PTPRF: variants seen among roughly 807,000 people sequenced by gnomAD.
PTPRF encodes protein tyrosine phosphatase receptor type F.
A neutral mutation model predicts 201.8 loss-of-function variants in PTPRF; 59 were observed. That is an observed-to-expected ratio of 0.29 (90% CI 0.24 to 0.36). The LOEUF is 0.36. Among genes scored for constraint, PTPRF ranks in the 10% least tolerant of loss-of-function variants. The pLI, the probability that PTPRF is intolerant of heterozygous loss-of-function variation, is 1.00. For missense variants in PTPRF, 2,132 were observed against 2,690.5 expected (o/e 0.79, Z 4.59); for synonymous variants, 1,088 against 1,089.7 (o/e 1.00, Z 0.03).
At chr1:43,555,465 A>G (rs1320262297) in intron 5 of PTPRF, among the ~76,000 whole-genome samples, 1 of 94,086 alleles carries the variant, frequency 1.1e-5, no homozygotes. Flanking sequence ...TTTTTTTTTG[A>G]GACGGAGTCT....
chr1:43,618,875 AGTGAT>A (rs1427058697), intron 26 of PTPRF, 126 bp downstream of exon 26: 5 of 1,460,810 alleles, frequency 3.4e-6, no homozygotes, highest in Non-Finnish European at 4.7e-6. Context: ...CAGGTGTGTG[AGTGAT>A]GTGATGATCC....
chr1:43,578,376 G>A (rs998455329), intron 6 of PTPRF, among the ~76,000 whole-genome samples: 1 of 152,176 alleles, frequency 6.6e-6, no homozygotes, highest in Non-Finnish European at 1.5e-5. Flanking sequence ...AGGGCATGGC[G>A]TGCTTGTGAA....
intron 5 of PTPRF, among the ~76,000 whole-genome samples, chr1:43,557,029 GC>G (rs1314182250): frequency 6.6e-6 from 1 of 152,270 alleles, no homozygotes; most frequent in African/African-American, 2.4e-5. Context: ...TGACCTGGGG[GC>G]AAGTATTTCA....
chr1:43,601,161 C>T lies in PTPRF; in HGVS notation c.2314-910C>T, dbSNP rs138171260. 5.3e-3 allele frequency among the ~76,000 whole-genome samples: 800 copies of T among 152,306 alleles called. 5 individuals carry two copies. Among genetic ancestry groups the T allele is most frequent in the Non-Finnish European group, 6.1e-3 (416 of 68,022 alleles). On this transcript the variant is annotated intron_variant, in intron 13 of 33. Coordinates refer to ENST00000359947, the MANE Select transcript of PTPRF (RefSeq NM_002840.5). ...GGAGGCCAGTGGACAGAGGCCAGAC[C>T]GGCACTGTGGGGGTGCTTGGGCTGG...
chr1:43,553,707 C>T lies in PTPRF; in HGVS notation c.237+70C>T. On this transcript the variant is annotated intron_variant, in intron 4 of 33. Coordinates refer to ENST00000359947, the MANE Select transcript of PTPRF (RefSeq NM_002840.5). This position sits in a 1 kb window ranked among gnomAD's most constrained non-coding sequence, Gnocchi z 4.1. Reference sequence around the variant, plus strand: ...CACACTCTCTCCTTTCAGTGTCCCTCCTCATGGACCTTTTGGAGGTGGGAG... The same window carrying T: ...CACACTCTCTCCTTTCAGTGTCCCTTCTCATGGACCTTTTGGAGGTGGGAG... The T allele has an allele frequency of 1.2e-6, 2 of 1,608,952 alleles. No homozygotes were observed. Among genetic ancestry groups the T allele is most frequent in the African/African-American group, 1.3e-5 (1 of 74,968 alleles).
chr1:43,597,927 G>A lies in PTPRF; in HGVS notation c.1993G>A (p.Glu665Lys). The A allele has an allele frequency of 6.3e-7, 1 of 1,594,116 alleles. No homozygotes were observed. Among genetic ancestry groups the A allele is most frequent in the Middle Eastern group, 1.7e-4 (1 of 6,032 alleles). Residue 665 changes from glutamate (E) to lysine (K), a missense_variant, in exon 12 of 34, where the codon GAG (glutamate) becomes AAG (lysine). Glu to Lys is a moderately conservative substitution (Grantham distance 56). Around this residue, in one of 6 missense-constraint regions of PTPRF, gnomAD observed 125 missense variants for 211.9 expected, o/e 0.59. Coordinates refer to ENST00000359947, the MANE Select transcript of PTPRF (RefSeq NM_002840.5). Reference sequence around the variant, plus strand: ...GCATGTGGTGGATGGCATCAGCCGTGAGCACTCCAGCTGGGACCTGGTGGG... The same window carrying A: ...GCATGTGGTGGATGGCATCAGCCGTAAGCACTCCAGCTGGGACCTGGTGGG... ...GRHVVDGISR[E>K]HSSWDLVGLE... is the part of the protein sequence containing the mutation.
In PTPRF at chr1:43,569,170, G is replaced by A. The variant is rs1427628496; in HGVS notation, c.380-420G>A. Among the ~76,000 whole-genome samples the A allele has an allele frequency of 3.3e-5, 5 of 152,210 alleles. No homozygotes were observed. In the South Asian group the frequency reaches 8.3e-4, roughly 25 times the overall value. On this transcript the variant is annotated intron_variant, in intron 5 of 33. Transcript: ENST00000359947. ...GGAGAGGGGGCTGGACAGCACAGAG[G>A]CCTTCAGGCTGAGCTGTGGCTGTTG...
In PTPRF at chr1:43,619,438, C is replaced by T. The variant is rs1375978092; in HGVS notation, c.4797C>T (p.Phe1599=). 4 of 1,614,016 alleles carry T rather than the reference C, an allele frequency of 2.5e-6. No homozygotes were observed. The stretch of plus-strand genomic sequence containing the variant: ...TGCAGACGGAGGACCAGTACGTGTT[C>T]ATCCATGAGGCGCTGCTGGAGGCTG... ...YMVQTEDQYV[F]IHEALLEAAT... Residue 1599 remains phenylalanine (F), a synonymous_variant, in exon 28 of 34, where the codon TTC becomes TTT. Coordinates refer to ENST00000359947, the MANE Select transcript of PTPRF (RefSeq NM_002840.5).
At chr1:43,536,823 G>A (rs892620120) in intron 1 of PTPRF, among the ~76,000 whole-genome samples, 2 of 152,278 alleles carry the variant, frequency 1.3e-5, no homozygotes, top group East Asian at 3.9e-4. Flanking sequence ...GTGGAGGCTG[G>A]GTCGCCAAGC....
At chr1:43,598,138 C>T (rs1652839422) in intron 12 of PTPRF, 85 bp downstream of exon 12, 6 of 1,321,580 alleles carry the variant, frequency 4.5e-6, no homozygotes, top group Non-Finnish European at 6.0e-6. Context: ...CTTTCCTGAA[C>T]ACAGGCCCAG....
At chr1:43,533,054 T>C (rs1307372772) in intron 1 of PTPRF, among the ~76,000 whole-genome samples, 4 of 152,258 alleles carry the variant, frequency 2.6e-5, no homozygotes, top group African/African-American at 9.6e-5. Context: ...TTTTACTTGC[T>C]CAGTCTCTTA....
At chr1:43,601,666 C>A (rs1279099029) in intron 13 of PTPRF, among the ~76,000 whole-genome samples, 3 of 152,262 alleles carry the variant, frequency 2.0e-5, no homozygotes, top group Non-Finnish European at 4.4e-5. Flanking sequence ...GGCATATGGG[C>A]ACCCCATTCA....
intron 7 of PTPRF, among the ~76,000 whole-genome samples, chr1:43,581,343 C>G (rs1647563834): frequency 6.6e-6 from 1 of 152,236 alleles, no homozygotes. Flanking sequence ...AACCTGACTT[C>G]TGTTGTCTCT....
At position 43,605,405 on chromosome 1, in the gene PTPRF, T is replaced by C. The variant is rs776669941; in HGVS notation, c.3351T>C (p.Asp1117=). Residue 1117 remains aspartate, a synonymous_variant, in exon 18 of 34, where the codon GAT becomes GAC. Coordinates refer to ENST00000359947, the MANE Select transcript of PTPRF (RefSeq NM_002840.5). The stretch of plus-strand genomic sequence containing the variant: ...CCTACATAGAGGACGGCCGCTTCGA[T>C]CTCTCCATGCCCCATGTGCAAGACC... ...ASAYIEDGRF[D]LSMPHVQDPS... The C allele has an allele frequency of 1.9e-6, 3 of 1,613,584 alleles. No individual in the cohort carries two copies. The South Asian group carries it at 3.3e-5, about 18-fold the overall frequency.
At chr1:43,533,921 T>C (rs1643863255) in intron 1 of PTPRF, among the ~76,000 whole-genome samples, 2 of 152,210 alleles carry the variant, frequency 1.3e-5, no homozygotes, top group African/African-American at 2.4e-5. Flanking sequence ...CTAACAGCTA[T>C]GTAGAAGAGG....
At chr1:43,578,777 C>T in intron 6 of PTPRF, 33 bp from the exon 7 acceptor site, 2 of 1,535,802 alleles carry the variant, frequency 1.3e-6, no homozygotes, top group Non-Finnish European at 1.8e-6. Context: ...TCGACATGGG[C>T]CGTGCCTGAC....
intron 11 of PTPRF, among the ~76,000 whole-genome samples, chr1:43,595,983 C>G (rs529213403): frequency 6.6e-6 from 1 of 152,040 alleles, no homozygotes; most frequent in Non-Finnish European, 1.5e-5. Context: ...GCATAGGACG[C>G]CAGCCTGCCT....
chr1:43,618,993 G>A, intron 26 of PTPRF, 55 bp from the exon 27 acceptor site: 1 of 1,582,894 alleles, frequency 6.3e-7, no homozygotes, highest in Non-Finnish European at 8.6e-7. Flanking sequence ...ATTCAGTCCT[G>A]AGTCTATGGC....
intron 5 of PTPRF, among the ~76,000 whole-genome samples, chr1:43,569,219 G>GCCCCCCCCCCCCCCCC (rs11313129): frequency 8.7e-5 from 12 of 137,830 alleles, no homozygotes; most frequent in African/African-American, 1.4e-4. Context: ...CTCCCTGCTA[G>GCCCCCCCCCCCCCCCC]CCCCCCCCCC....
Sources: allele counts gnomAD v4.1 joint callset (sites outside exome capture counted in the v4.1 genomes callset), GRCh38; gene constraint gnomAD v4.1.1; regional missense constraint gnomAD v4.1.1; non-coding constraint Gnocchi (gnomAD v3.1); transcripts MANE v1.5; gene names NCBI Gene and HGNC (gene_info 2026-07-23, HGNC 2026-07-21).